SOD2: variants seen among roughly 807,000 people sequenced by gnomAD.
SOD2 encodes the protein superoxide dismutase [Mn], mitochondrial.
In SOD2, 11 loss-of-function variants were observed where a neutral mutation model predicts 27.0. The observed-to-expected ratio is 0.41, with a 90% CI of 0.26 to 0.67. The LOEUF (loss-of-function observed/expected upper bound fraction) is 0.67, where lower values mean the gene tolerates loss of function less well. SOD2 is among the 30% of genes least tolerant of loss of function. The pLI, the probability that SOD2 is intolerant of heterozygous loss-of-function variation, is 0.34. For synonymous variants in SOD2, 105 were observed against 103.0 expected, an observed-to-expected ratio of 1.02 and a Z score of -0.12; for missense variants, 250 against 274.5, an observed-to-expected ratio of 0.91 and a Z score of 0.63.
intron 1 of SOD2, among the ~76,000 whole-genome samples, chr6:159,750,519 T>C (rs1779779396): frequency 6.6e-6 from 1 of 152,264 alleles, no homozygotes; most frequent in African/African-American, 2.4e-5. Context: ...GCTATTACTT[T>C]TTCTTGGGTA....
chr6:159,725,708 T>C (rs1259181146), intron 1 of SOD2: 3 of 151,854 alleles, frequency 2.0e-5, no homozygotes, highest in Non-Finnish European at 4.4e-5. Context: ...TTCCAGGATA[T>C]CCTTCCAATT....
intron 1 of SOD2, among the ~76,000 whole-genome samples, chr6:159,714,702 C>G (rs1283250497): frequency 6.6e-6 from 1 of 152,222 alleles, no homozygotes; most frequent in Non-Finnish European, 1.5e-5. Flanking sequence ...CTAATCACAT[C>G]ACAGCCCACT....
At chr6:159,730,969 GAAAA>G (rs1431887467), upstream of SOD2, 1 of 147,748 alleles carries the variant, frequency 6.8e-6, no homozygotes, top group East Asian at 2.0e-4. Flanking sequence ...GTCTCTACTA[GAAAA>G]AAAAAAGAAA....
At chr6:159,731,188 A>G (rs1177082211), upstream of SOD2, among the ~76,000 whole-genome samples, 4 of 151,944 alleles carry the variant, frequency 2.6e-5, no homozygotes, top group Non-Finnish European at 5.9e-5. Context: ...CAGGCTGGGC[A>G]TGGTGGCTCA....
At chr6:159,738,939 C>T in intron 1 of SOD2, 1 of 1,404,740 alleles carries the variant, frequency 7.1e-7, no homozygotes, top group Non-Finnish European at 1.0e-6. Context: ...CATTATAGAA[C>T]TTTGTGTCTT....
At chr6:159,755,323 T>A in intron 1 of SOD2, 1 of 1,614,242 alleles carries the variant, frequency 6.2e-7, no homozygotes, top group Non-Finnish European at 8.5e-7. Flanking sequence ...CAACCGAAGA[T>A]GACTTTCCTT....
intron 1 of SOD2, chr6:159,713,941 C>G: frequency 1.2e-6 from 1 of 860,354 alleles, no homozygotes. Context: ...AGGATAGGCC[C>G]TGGACCTTCA....
At chr6:159,708,254 G>A (rs1256522737) in intron 1 of SOD2, among the ~76,000 whole-genome samples, 1 of 152,216 alleles carries the variant, frequency 6.6e-6, no homozygotes, top group East Asian at 1.9e-4. Flanking sequence ...ACATAGTGTT[G>A]GAAGTTCTGG....
intron 1 of SOD2, among the ~76,000 whole-genome samples, chr6:159,758,291 A>G (rs1362288232): frequency 6.6e-6 from 1 of 150,466 alleles, no homozygotes; most frequent in Non-Finnish European, 1.5e-5. Flanking sequence ...GTGGCTTTAC[A>G]CGCGCATTCC....
At chr6:159,737,976 T>C (rs1293827950) in intron 1 of SOD2, among the ~76,000 whole-genome samples, 1 of 152,258 alleles carries the variant, frequency 6.6e-6, no homozygotes, top group Non-Finnish European at 1.5e-5. Context: ...TGTGCAACTT[T>C]CACTGAGCCT....
At chr6:159,691,780 A>T (rs559372695) in intron 2 of SOD2, 2 of 152,356 alleles carry the variant, frequency 1.3e-5, no homozygotes, top group Non-Finnish European at 2.9e-5. Flanking sequence ...AATATGAGTA[A>T]ATAGTAAATA....
At chr6:159,721,107 A>T (rs1194029700) in intron 1 of SOD2, among the ~76,000 whole-genome samples, 2 of 149,404 alleles carry the variant, frequency 1.3e-5, no homozygotes, top group African/African-American at 5.0e-5. Context: ...TCGCTCTGTC[A>T]CCCAGGCTGG....
At chr6:159,731,231 G>A (rs1280180789), upstream of SOD2, among the ~76,000 whole-genome samples, 2 of 151,602 alleles carry the variant, frequency 1.3e-5, no homozygotes, top group Admixed American at 6.6e-5. Flanking sequence ...GGAGGCCCAA[G>A]CAGGAGGATT....
chr6:159,697,104 G>A (rs988000112), upstream of SOD2, among the ~76,000 whole-genome samples: 1 of 149,464 alleles, frequency 6.7e-6, no homozygotes, highest in African/African-American at 2.5e-5. Context: ...CACATTTGAA[G>A]TCAGAAAAAA....
rs1777735244 is a variant in SOD2 at position 159,710,964 on chromosome 6, T to TCCATAACCACCACTCAACAGCTCTGATCA, written c.-116+16164_-116+16165insTGATCAGAGCTGTTGAGTGGTGGTTATGG. ...AACCACCACTCACACTGCTCTGACCTCCATAACCACCTCCATAACCACCAC... is the reference window on the plus strand; with the variant it reads ...AACCACCACTCACACTGCTCTGACCTCCATAACCACCACTCAACAGCTCTGATCACCATAACCACCTCCATAACCACCAC... On this transcript the variant is annotated intron_variant, in intron 1 of 2. Coordinates refer to the SOD2 transcript ENST00000401980. Among the ~76,000 whole-genome samples the TCCATAACCACCACTCAACAGCTCTGATCA allele has an allele frequency of 7.4e-5, 4 of 54,314 alleles. No individual in the cohort carries two copies. The East Asian group carries it at 3.0e-3, about 41-fold the overall frequency. 35.6% of individuals were successfully genotyped at this position (54,314 alleles called of 152,430 possible).
intron 1 of SOD2, chr6:159,739,069 CAA>C: frequency 6.3e-7 from 1 of 1,580,084 alleles, no homozygotes. Context: ...TGTTCAAAAA[CAA>C]AGTCTTTCTA....
At position 159,718,042 on chromosome 6, in the gene SOD2, G is replaced by A. The variant is rs535418576; in HGVS notation, c.-116+9087C>T. 5.6e-3 allele frequency among the ~76,000 whole-genome samples: 854 copies of A among 151,650 alleles called. 7 individuals carry two copies. Among genetic ancestry groups the A allele is most frequent in the Non-Finnish European group, 8.6e-3 (582 of 67,938 alleles). ...TCTCTCCCCTCTGTCACCCAGGCTGGAATGCAGAGGTGCATTCATAGCTCA... is the reference window on the plus strand; with the variant it reads ...TCTCTCCCCTCTGTCACCCAGGCTGAAATGCAGAGGTGCATTCATAGCTCA... On this transcript the variant is annotated intron_variant, in intron 1 of 2. Coordinates refer to the SOD2 transcript ENST00000401980.
chr6:159,731,623 A>G (rs1462434834), upstream of SOD2, among the ~76,000 whole-genome samples: 1 of 152,224 alleles, frequency 6.6e-6, no homozygotes, highest in Non-Finnish European at 1.5e-5. Flanking sequence ...AGGTTTTTCA[A>G]GAAACACTGA....
chr6:159,752,708 A>G (rs1250081171), intron 1 of SOD2, among the ~76,000 whole-genome samples: 3 of 152,206 alleles, frequency 2.0e-5, no homozygotes, highest in Non-Finnish European at 4.4e-5. Context: ...TATAATAGAT[A>G]ATATTCTTGA....
Sources: allele counts gnomAD v4.1 joint callset (sites outside exome capture counted in the v4.1 genomes callset), GRCh38; gene constraint gnomAD v4.1.1; transcripts MANE v1.5; gene names NCBI Gene and HGNC (gene_info 2026-07-23, HGNC 2026-07-21).